The following KIRREL3 variants were observed in gnomAD, a reference collection of about 807,000 sequenced individuals.
KIRREL3 encodes kin of IRRE-like protein 3.
A neutral mutation model predicts 89.7 loss-of-function variants in KIRREL3; 36 were observed. The observed-to-expected ratio is 0.40, with a 90% CI of 0.31 to 0.53. The LOEUF is 0.53. KIRREL3 is among the 20% of genes least tolerant of loss of function. The pLI is 0.49. For missense variants in KIRREL3, 864 were observed against 1,056.6 expected, an observed-to-expected ratio of 0.82 and a Z score of 2.53; for synonymous variants, 445 against 441.4, an observed-to-expected ratio of 1.01 and a Z score of -0.10.
intron 4 of KIRREL3, among the ~76,000 whole-genome samples, chr11:126,497,289 T>A (rs528336261): frequency 1.3e-5 from 2 of 150,782 alleles, no homozygotes; most frequent in African/African-American, 4.9e-5. Context: ...GGTGTGTGTG[T>A]GAGAGAGAGA....
intron 1 of KIRREL3, among the ~76,000 whole-genome samples, chr11:126,832,664 G>T (rs1030574592): frequency 2.6e-5 from 4 of 152,160 alleles, no homozygotes; most frequent in Admixed American, 6.5e-5. Context: ...CTTTGGAAGG[G>T]CTCTGCTCTC....
chr11:126,591,023 T>C (rs675052), intron 1 of KIRREL3, among the ~76,000 whole-genome samples: 119,637 of 152,224 alleles, frequency 0.79, 47,008 homozygotes, highest in South Asian at 0.8. Flanking sequence ...CCCAGGAGTT[T>C]GAGACCAGCC....
rs1331118121 is a variant in KIRREL3, at chr11:126,970,088, CG to C, written c.55+30366del. On this transcript the variant is annotated intron_variant, in intron 1 of 16. Coordinates refer to ENST00000525144, the MANE Select transcript of KIRREL3 (RefSeq NM_032531.4). This position sits in a 1 kb window ranked among gnomAD's most constrained non-coding sequence, Gnocchi z 4.4. ...GCTGCCCTAGGTTGTCACCTAGGGACGGAACAGGAAAATGCAGCCTCTCTAC... is the reference window on the plus strand; with the variant it reads ...GCTGCCCTAGGTTGTCACCTAGGGACGAACAGGAAAATGCAGCCTCTCTAC... 6.6e-6 allele frequency among the ~76,000 whole-genome samples: 1 copy of C among 152,180 alleles called. No homozygotes were observed. The highest frequency in any genetic ancestry group is 1.5e-5 in the Non-Finnish European group (1 of 68,034).
intron 1 of KIRREL3, among the ~76,000 whole-genome samples, chr11:126,869,545 A>G (rs1306453608): frequency 6.6e-6 from 1 of 152,154 alleles, no homozygotes; most frequent in Non-Finnish European, 1.5e-5. Context: ...AATTCCTCTA[A>G]TTGTACAAAT....
intron 1 of KIRREL3, among the ~76,000 whole-genome samples, chr11:126,831,077 T>G (rs1943589956): frequency 6.6e-6 from 1 of 152,216 alleles, no homozygotes; most frequent in Non-Finnish European, 1.5e-5. Flanking sequence ...CTCTTGGTTC[T>G]CAAGCAAATT....
In KIRREL3 at chr11:126,558,587, G is replaced by C. The variant is rs1327314180; in HGVS notation, c.133+4248C>G. ...TGCTCTTGGGCCATGCTGTGTTATT[G>C]GGTTGCACTGTAATCTCTAGAGTTG... is the stretch of plus-strand genomic sequence containing the variant. On this transcript the variant is annotated intron_variant, in intron 2 of 16. Transcript: ENST00000525144. The surrounding 1 kb of genome is among the most constrained non-coding windows in gnomAD (Gnocchi z 4.0). Among the ~76,000 whole-genome samples, 1 of 152,170 alleles carries C rather than the reference G, an allele frequency of 6.6e-6. No homozygotes were observed. Among genetic ancestry groups the C allele is most frequent in the Admixed American group, 6.5e-5 (1 of 15,278 alleles).
In KIRREL3 at chr11:126,705,900, G is replaced by T. The variant is rs905983353; in HGVS notation, c.56-142988C>A. On this transcript the variant is annotated intron_variant, in intron 1 of 16. Coordinates refer to ENST00000525144, the MANE Select transcript of KIRREL3 (RefSeq NM_032531.4). The surrounding 1 kb of genome is among the most constrained non-coding windows in gnomAD (Gnocchi z 4.3). ...TTTAAGAGATTTGCTGTTTCTGCTT[G>T]CAGTCACTTAGAATGCTCCTTTTCA... Among the ~76,000 whole-genome samples, 1 of 152,192 alleles carries T rather than the reference G, an allele frequency of 6.6e-6. No homozygotes were observed. Among genetic ancestry groups the T allele is most frequent in the African/African-American group, 2.4e-5 (1 of 41,436 alleles).
At chr11:126,884,787 G>A (rs1480475868) in intron 1 of KIRREL3, among the ~76,000 whole-genome samples, 1 of 152,154 alleles carries the variant, frequency 6.6e-6, no homozygotes, top group East Asian at 1.9e-4. Flanking sequence ...TCTCTCGGTG[G>A]AGGCTAATGA....
In KIRREL3 at chr11:126,562,012, T is replaced by C. The variant is rs947459575; in HGVS notation, c.133+823A>G. 6.6e-6 allele frequency among the ~76,000 whole-genome samples: 1 copy of C among 152,202 alleles called. No homozygotes were observed. Among genetic ancestry groups the C allele is most frequent in the Non-Finnish European group, 1.5e-5 (1 of 68,040 alleles). Reference sequence around the variant, plus strand: ...CCTGGAAGGGGAGGGGTCCAGCCCATGGCAAGCATGGCTGGTGGGAGCCAA... The same window carrying C: ...CCTGGAAGGGGAGGGGTCCAGCCCACGGCAAGCATGGCTGGTGGGAGCCAA... On this transcript the variant is annotated intron_variant, in intron 2 of 16. Transcript: ENST00000525144. The surrounding 1 kb of genome is among the most constrained non-coding windows in gnomAD (Gnocchi z 4.7).
chr11:126,646,471 G>A (rs1396690019), intron 1 of KIRREL3, among the ~76,000 whole-genome samples: 1 of 123,246 alleles, frequency 8.1e-6, no homozygotes, highest in South Asian at 2.7e-4. Flanking sequence ...TGTGCCCCAA[G>A]TATTTTTTTT....
intron 1 of KIRREL3, among the ~76,000 whole-genome samples, chr11:126,937,638 T>C (rs146725772): frequency 0.016 from 2,499 of 152,268 alleles, 39 homozygotes; most frequent in African/African-American, 0.04. Context: ...TGGTGGCTCA[T>C]GCCTGTAATC....
rs1157962244 is a variant in KIRREL3, at chr11:126,694,691, C to G, written c.56-131779G>C. ...GCAGGTACTGACTTCTATGAGCCAC[C>G]TTTTTTAAAAAAAATTCTCTACAGA... is the stretch of plus-strand genomic sequence containing the variant. On this transcript the variant is annotated intron_variant, in intron 1 of 16. Transcript: ENST00000525144. This position sits in a 1 kb window ranked among gnomAD's most constrained non-coding sequence, Gnocchi z 4.4. 6.6e-6 allele frequency among the ~76,000 whole-genome samples: 1 copy of G among 151,932 alleles called. No individual in the cohort carries two copies. Among genetic ancestry groups the G allele is most frequent in the East Asian group, 1.9e-4 (1 of 5,186 alleles).
intron 5 of KIRREL3, among the ~76,000 whole-genome samples, chr11:126,468,538 G>A (rs1377833266): frequency 6.6e-6 from 1 of 152,216 alleles, no homozygotes; most frequent in African/African-American, 2.4e-5. Context: ...GAAGGGGCCT[G>A]GTGCCCTCCA....
rs1476349263 is a variant in KIRREL3, at chr11:126,432,387, G to T, written c.1589-861C>A. ...ACACAGCCTTGGCCCTTCTACAGCT[G>T]CAAGTGGGGTCGGAGCACATGATTT... On this transcript the variant is annotated intron_variant, in intron 13 of 16. Coordinates refer to ENST00000525144, the MANE Select transcript of KIRREL3 (RefSeq NM_032531.4). The surrounding 1 kb of genome is among the most constrained non-coding windows in gnomAD (Gnocchi z 6.2). 6.6e-6 allele frequency among the ~76,000 whole-genome samples: 1 copy of T among 152,176 alleles called. No homozygotes were observed. Among genetic ancestry groups the T allele is most frequent in the Non-Finnish European group, 1.5e-5 (1 of 68,034 alleles).
intron 1 of KIRREL3, among the ~76,000 whole-genome samples, chr11:126,735,385 C>T (rs999355548): frequency 6.6e-6 from 1 of 152,198 alleles, no homozygotes; most frequent in Non-Finnish European, 1.5e-5. Flanking sequence ...GCATGACCAA[C>T]TGGGGAGACA....
At chr11:126,502,505 G>A (rs1448829460) in intron 4 of KIRREL3, among the ~76,000 whole-genome samples, 1 of 152,240 alleles carries the variant, frequency 6.6e-6, no homozygotes, top group African/African-American at 2.4e-5. Flanking sequence ...TCCCTCTGGA[G>A]AACCATTTTC....
intron 1 of KIRREL3, among the ~76,000 whole-genome samples, chr11:126,717,176 G>A (rs1033337023): frequency 3.9e-5 from 6 of 152,152 alleles, no homozygotes; most frequent in Admixed American, 1.3e-4. Flanking sequence ...GGCTGTCCTC[G>A]CTGGACTTTA....
chr11:126,446,323 C>CCTTT (rs1191664012), intron 9 of KIRREL3, among the ~76,000 whole-genome samples: 302 of 146,940 alleles, frequency 2.1e-3, no homozygotes, highest in African/African-American at 7.1e-3. Context: ...TTCCTTTCTT[C>CCTTT]CTTTCTTTCT....
intron 1 of KIRREL3, among the ~76,000 whole-genome samples, chr11:126,838,067 A>C (rs1943839472): frequency 6.6e-6 from 1 of 152,216 alleles, no homozygotes; most frequent in South Asian, 2.1e-4. Context: ...AATCTCCCTC[A>C]ACATTATATT....
Sources: allele counts gnomAD v4.1 joint callset (sites outside exome capture counted in the v4.1 genomes callset), GRCh38; gene constraint gnomAD v4.1.1; non-coding constraint Gnocchi (gnomAD v3.1); transcripts MANE v1.5; gene names NCBI Gene and HGNC (gene_info 2026-07-23, HGNC 2026-07-21).